SH3D19: variants seen among roughly 807,000 people sequenced by gnomAD.
SH3D19 encodes the protein SH3 domain-containing protein 19.
SH3D19 carries 58 observed loss-of-function variants against 112.1 expected under a neutral mutation model. That is an observed-to-expected ratio of 0.52 (90% CI 0.42 to 0.64). SH3D19 has a LOEUF of 0.64. SH3D19 is among the 30% of genes least tolerant of loss of function. The probability of loss-of-function intolerance (pLI) is 0.00; values close to 1 mark genes in which losing one functional copy is unlikely to be tolerated. For synonymous variants in SH3D19, 391 were observed against 448.5 expected (o/e 0.87, Z 1.62); for missense variants, 1,090 against 1,263.4 (o/e 0.86, Z 2.08).
rs540101466 is a variant in SH3D19, at chr4:151,291,364, A to G, written c.112+33877T>C. Reference sequence around the variant, plus strand: ...CTCCTGTGCCTTTGGACCTAACACTATACACAGAGTAGGCACTGTAGCTGA... The same window carrying G: ...CTCCTGTGCCTTTGGACCTAACACTGTACACAGAGTAGGCACTGTAGCTGA... On this transcript the variant is annotated intron_variant, in intron 1 of 19. Transcript: ENST00000604030. 11 of 1,614,014 alleles carry G rather than the reference A, an allele frequency of 6.8e-6. No homozygotes were observed. The South Asian group carries it at 1.1e-4, about 16-fold the overall frequency.
intron 1 of SH3D19, among the ~76,000 whole-genome samples, chr4:151,232,011 C>G (rs539177033): frequency 3.9e-5 from 6 of 152,216 alleles, no homozygotes; most frequent in Admixed American, 6.5e-5. Flanking sequence ...TGGTGAAACC[C>G]TGTCTCTAGT....
rs866089291 is a variant in SH3D19, at chr4:151,263,490, C to T, written c.113-37404G>A. On this transcript the variant is annotated intron_variant, in intron 1 of 19. Coordinates refer to ENST00000604030, the MANE Select transcript of SH3D19 (RefSeq NM_001378122.1). ...TTATCTATTGCAGTACAACAAATAACCCCAACACTCAGTAGCTAAAACAAT... is the reference window on the plus strand; with the variant it reads ...TTATCTATTGCAGTACAACAAATAATCCCAACACTCAGTAGCTAAAACAAT... Among the ~76,000 whole-genome samples the T allele has an allele frequency of 2.6e-5, 4 of 152,200 alleles. 1 individual carries two copies. Among genetic ancestry groups the T allele is most frequent in the Non-Finnish European group, 5.9e-5 (4 of 68,036 alleles).
At chr4:151,130,792 T>C (rs1278681584) in intron 17 of SH3D19, among the ~76,000 whole-genome samples, 4 of 151,916 alleles carry the variant, frequency 2.6e-5, no homozygotes, top group Non-Finnish European at 5.9e-5. Flanking sequence ...CTACAAAAAT[T>C]AGCGAAGCAC....
intron 1 of SH3D19, among the ~76,000 whole-genome samples, chr4:151,270,621 A>C (rs1773163928): frequency 8.4e-6 from 1 of 118,454 alleles, no homozygotes; most frequent in Admixed American, 8.5e-5. Flanking sequence ...ACTGGCAGTC[A>C]GTAGGTTTAT....
intron 1 of SH3D19, among the ~76,000 whole-genome samples, chr4:151,309,274 A>G (rs2126362141): frequency 1.3e-5 from 2 of 152,376 alleles, no homozygotes; most frequent in South Asian, 4.1e-4. Flanking sequence ...TAATGAACAC[A>G]TACAGTGCTT....
intron 1 of SH3D19, among the ~76,000 whole-genome samples, chr4:151,241,722 C>T (rs1770574679): frequency 6.6e-6 from 1 of 151,630 alleles, no homozygotes; most frequent in Non-Finnish European, 1.5e-5. Flanking sequence ...TGGGTGAACT[C>T]TATGGTATAT....
chr4:151,126,207 G>T (rs1749283498), intron 19 of SH3D19, among the ~76,000 whole-genome samples: 1 of 152,304 alleles, frequency 6.6e-6, no homozygotes, highest in East Asian at 1.9e-4. Context: ...TTAGAGGTGT[G>T]AGCCACTGTT....
chr4:151,126,531 C>T (rs984275927), intron 19 of SH3D19, among the ~76,000 whole-genome samples: 9 of 151,952 alleles, frequency 5.9e-5, no homozygotes, highest in Non-Finnish European at 1.2e-4. Context: ...CGCGGTGGCT[C>T]ACGCCTGTAA....
At chr4:151,190,990 C>T (rs184048085) in intron 2 of SH3D19, among the ~76,000 whole-genome samples, 12 of 152,290 alleles carry the variant, frequency 7.9e-5, no homozygotes, top group Non-Finnish European at 1.3e-4. Context: ...GTGGAGCTGC[C>T]CAAGACCATG....
At chr4:151,169,076 G>C (rs1282615586) in intron 7 of SH3D19, among the ~76,000 whole-genome samples, 1 of 152,212 alleles carries the variant, frequency 6.6e-6, no homozygotes, top group Non-Finnish European at 1.5e-5. Flanking sequence ...CCTGCACACA[G>C]TGTGGGCAGA....
At chr4:151,286,663 T>C (rs1774821409) in intron 1 of SH3D19, among the ~76,000 whole-genome samples, 1 of 150,558 alleles carries the variant, frequency 6.6e-6, no homozygotes, top group Non-Finnish European at 1.5e-5. Context: ...CATTGATGAA[T>C]TCTACCAAAC....
chr4:151,232,021 T>G (rs557512549), intron 1 of SH3D19, among the ~76,000 whole-genome samples: 1 of 152,110 alleles, frequency 6.6e-6, no homozygotes, highest in Non-Finnish European at 1.5e-5. Context: ...CTGTCTCTAG[T>G]AAAACTACAA....
chr4:151,313,037 C>T (rs1206716309), intron 1 of SH3D19, among the ~76,000 whole-genome samples: 3 of 148,024 alleles, frequency 2.0e-5, no homozygotes, highest in Admixed American at 6.9e-5. Context: ...TGCACTGAGC[C>T]GGGATCATGT....
chr4:151,267,339 GA>G (rs750162971), intron 1 of SH3D19, among the ~76,000 whole-genome samples: 198 of 142,452 alleles, frequency 1.4e-3, no homozygotes, highest in African/African-American at 4.0e-3. Flanking sequence ...TGTTGTCAAA[GA>G]AAAAAAAAAA....
rs1207145608 is a variant in SH3D19 at position 151,310,210 on chromosome 4, C to CAAAAA, written c.112+15026_112+15030dup. On this transcript the variant is annotated intron_variant, in intron 1 of 19. Transcript: ENST00000604030. ...TTAACACAGCGAAACTCTGTCTTTACAAAAAAAAAAAAAAAAAAAAATTAC... is the reference window on the plus strand; with the variant it reads ...TTAACACAGCGAAACTCTGTCTTTACAAAAAAAAAAAAAAAAAAAAAAAAAATTAC... Among the ~76,000 whole-genome samples, 682 of 100,260 alleles carry CAAAAA rather than the reference C, an allele frequency of 6.8e-3. 4 individuals carry two copies. The highest frequency in any genetic ancestry group is 0.019 in the African/African-American group (594 of 30,828). The allele number at this position is 100,260 out of a possible 152,430, so 65.8% of individuals were successfully genotyped here.
chr4:151,145,487 G>A (rs1407305536), intron 11 of SH3D19, among the ~76,000 whole-genome samples: 2 of 152,250 alleles, frequency 1.3e-5, no homozygotes, highest in East Asian at 1.9e-4. Context: ...CTGCCCGCAA[G>A]AGAACAACCC....
At chr4:151,150,240 T>C (rs1170895946) in intron 9 of SH3D19, among the ~76,000 whole-genome samples, 802 of 39,232 alleles carry the variant, frequency 0.02, 18 homozygotes, top group Non-Finnish European at 0.058. Context: ...CACACACACA[T>C]ATATATATAT....
chr4:151,250,256 T>C (rs1771259289), intron 1 of SH3D19, among the ~76,000 whole-genome samples: 1 of 152,196 alleles, frequency 6.6e-6, no homozygotes, highest in Non-Finnish European at 1.5e-5. Context: ...ACAGGCATGA[T>C]TTTAATGTTA....
intron 15 of SH3D19, among the ~76,000 whole-genome samples, chr4:151,134,769 A>G (rs1236298221): frequency 6.6e-6 from 1 of 152,180 alleles, no homozygotes; most frequent in Non-Finnish European, 1.5e-5. Flanking sequence ...ACCCATTGTC[A>G]CCTTTTAAAC....
Sources: allele counts gnomAD v4.1 joint callset (sites outside exome capture counted in the v4.1 genomes callset), GRCh38; gene constraint gnomAD v4.1.1; transcripts MANE v1.5; gene names NCBI Gene and HGNC (gene_info 2026-07-23, HGNC 2026-07-21).